CIBAR2: variants seen among roughly 807,000 people sequenced by gnomAD.
The protein encoded by CIBAR2 is CBY1 interacting BAR domain containing 2.
Under a neutral mutation model 36.2 loss-of-function variants are expected in CIBAR2, and 38 were observed. The ratio of observed to expected loss-of-function variants is 1.05; its 90% CI spans 0.81 to 1.38. The LOEUF is 1.38. CIBAR2 is among the 40% of genes most tolerant of loss of function. CIBAR2 has a pLI of 0.00. For missense variants in CIBAR2, 481 were observed against 383.4 expected (o/e 1.25, Z -2.13); for synonymous variants, 182 against 149.5 (o/e 1.22, Z -1.58).
rs750867406 is a variant in CIBAR2, at chr16:85,105,459, A to G, written c.433-28T>C. 7 of 1,551,290 alleles carry G rather than the reference A, an allele frequency of 4.5e-6. No homozygotes were observed. The East Asian group carries it at 1.1e-4, about 25-fold the overall frequency. ...GGCCCCAGGGACACAAGACGTAGAA[A>G]GTGTCATGGGGGTGCTTCTGGCCCT... On this transcript the variant is annotated intron_variant, in intron 5 of 8. Coordinates refer to ENST00000539556, the MANE Select transcript of CIBAR2 (RefSeq NM_198491.3).
At chr16:85,109,616 C>G (rs1049985009) in intron 2 of CIBAR2, among the ~76,000 whole-genome samples, 9 of 152,320 alleles carry the variant, frequency 5.9e-5, no homozygotes, top group African/African-American at 1.9e-4. Flanking sequence ...ACCTTCCAGA[C>G]TCAAATGATC....
Position 85,099,208 on chromosome 16 carries a change from TGA to T in CIBAR2, c.890_891del (p.Leu297HisfsTer11). ...CGTTAGAGAGAATGTCCTGGAAGCA[TGA>T]GATGCCCACCCTGCCCACACACACA... ...AHCVCGQGGH[L>X]MLPGHSL On this transcript the variant is annotated frameshift_variant, in exon 9 of 9. Coordinates refer to ENST00000539556, the MANE Select transcript of CIBAR2 (RefSeq NM_198491.3). LOFTEE classifies it high-confidence loss of function. 6.3e-7 allele frequency: 1 copy of T among 1,597,546 alleles called. No homozygotes were observed. Among genetic ancestry groups the T allele is most frequent in the Non-Finnish European group, 8.5e-7 (1 of 1,172,830 alleles).
chr16:85,111,155 G>C (rs917942941), intron 1 of CIBAR2, among the ~76,000 whole-genome samples: 1 of 152,108 alleles, frequency 6.6e-6, no homozygotes, highest in Non-Finnish European at 1.5e-5. Flanking sequence ...TCCCCAGCGT[G>C]TAACTGTCCC....
intron 2 of CIBAR2, among the ~76,000 whole-genome samples, chr16:85,109,230 G>A: frequency 6.6e-6 from 1 of 152,138 alleles, no homozygotes. Flanking sequence ...GGGCCACATG[G>A]CGAAACCCCA....
intron 8 of CIBAR2, 140 bp downstream of exon 8, chr16:85,099,999 C>T (rs2073942473): frequency 3.0e-6 from 2 of 667,218 alleles, no homozygotes; most frequent in South Asian, 2.0e-5. Flanking sequence ...TCCATGCTCC[C>T]ACCACCCCTG....
intron 6 of CIBAR2, 101 bp downstream of exon 6, chr16:85,105,226 A>G (rs1172942153): frequency 8.4e-6 from 6 of 717,792 alleles, no homozygotes; most frequent in Non-Finnish European, 1.5e-5. Flanking sequence ...AGACCCATAC[A>G]CACTCATGCT....
intron 8 of CIBAR2, 151 bp from the exon 9 acceptor site, chr16:85,099,497 C>T: frequency 1.6e-6 from 1 of 611,336 alleles, no homozygotes; most frequent in Non-Finnish European, 2.9e-6. Context: ...GTGGACCTGA[C>T]TGGGGGCCTC....
chr16:85,107,888 C>T lies in CIBAR2; in HGVS notation c.384G>A (p.Leu128=), dbSNP rs139476885. ...QNHEIKQLEK[L]EKLRQKSPSD... is the part of the protein sequence containing the mutation. ...AGGGTGACTTCTGCCTCAGTTTCTC[C>T]AGTTTTTCCAGTTGTTTGATCTCAT... The change falls in exon 4 of 9, where the codon CTG becomes CTA. Residue 128 remains leucine, a synonymous_variant. Coordinates refer to ENST00000539556, the MANE Select transcript of CIBAR2 (RefSeq NM_198491.3). The T allele has an allele frequency of 5.8e-4, 931 of 1,614,160 alleles. No individual in the cohort carries two copies. The highest frequency in any genetic ancestry group is 6.1e-4 in the Non-Finnish European group (725 of 1,179,978).
rs140072615 is a variant in CIBAR2, at chr16:85,108,064, C to T, written c.291G>A (p.Leu97=). Residue 97 remains leucine, a synonymous_variant, in exon 3 of 9, where the codon CTG becomes CTA. Transcript: ENST00000539556. The part of the protein sequence containing the change: ...ERLETKVVNP[L]KLYGAQIKQT... Reference sequence around the variant, plus strand: ...GCTTGATCTGTGCCCCGTAGAGCTTCAGGGGGTTGACCACCTTGGTCTCCA... The same window carrying T: ...GCTTGATCTGTGCCCCGTAGAGCTTTAGGGGGTTGACCACCTTGGTCTCCA... 7 of 1,613,148 alleles carry T rather than the reference C, an allele frequency of 4.3e-6. No homozygotes were observed. The highest frequency in any genetic ancestry group is 5.9e-6 in the Non-Finnish European group (7 of 1,179,510).
In CIBAR2 at chr16:85,105,397, G is replaced by A. The variant is rs1244188173; in HGVS notation, c.467C>T (p.Ser156Phe). 4 of 1,613,708 alleles carry A rather than the reference G, an allele frequency of 2.5e-6. No homozygotes were observed. The highest frequency in any genetic ancestry group is 2.5e-6 in the Non-Finnish European group (3 of 1,179,976). Residue 156 changes from serine (S) to phenylalanine (F), a missense_variant, in exon 6 of 9, where the codon TCC (serine) becomes TTC (phenylalanine). Ser to Phe is a radical substitution (Grantham distance 155). Transcript: ENST00000539556. ...CTCCAGCTGGAGGGTGGTGCGGCTG[G>A]AGTCCACAGCGGCCCTCTGCACTCT... is the stretch of plus-strand genomic sequence containing the variant. ...ETRVQRAAVDSSRTTLQLEET... is the reference protein window; with the variant it reads ...ETRVQRAAVDFSRTTLQLEET...
intron 2 of CIBAR2, among the ~76,000 whole-genome samples, chr16:85,108,930 G>A (rs983226613): frequency 6.6e-6 from 1 of 152,000 alleles, no homozygotes; most frequent in African/African-American, 2.4e-5. Context: ...TTACAATCGG[G>A]AATGTCTTTG....
At chr16:85,107,069 C>G (rs2074001548) in intron 5 of CIBAR2, among the ~76,000 whole-genome samples, 1 of 152,064 alleles carries the variant, frequency 6.6e-6, no homozygotes, top group Non-Finnish European at 1.5e-5. Flanking sequence ...TCGCTTGAAC[C>G]CTGGAGGCGG....
rs2074050977 is a variant in CIBAR2 at position 85,112,465 on chromosome 16, C to T, written c.-113G>A. On this transcript the variant is annotated 5_prime_UTR_variant, in exon 1 of 9. Coordinates refer to ENST00000539556, the MANE Select transcript of CIBAR2 (RefSeq NM_198491.3). ...TGGGTGCAGCTGTGTGGCCTGGGCT[C>T]AAGGGACGCTGCCACCCGGTTGCTA... is the stretch of plus-strand genomic sequence containing the variant. The T allele has an allele frequency of 2.7e-6, 3 of 1,102,320 alleles. No individual in the cohort carries two copies. In the South Asian group the frequency reaches 3.8e-5, roughly 14 times the overall value. The allele number at this position is 1,102,320 out of a possible 1,614,324, so 68.3% of individuals were successfully genotyped here.
chr16:85,099,373 G>C (rs1428263959), intron 8 of CIBAR2, 27 bp from the exon 9 acceptor site: 25 of 1,273,084 alleles, frequency 2.0e-5, no homozygotes, highest in Non-Finnish European at 2.5e-5. Context: ...GCACCTGATG[G>C]CAGGCCTTCC....
chr16:85,105,271 T>TGCAC, intron 6 of CIBAR2, 56 bp downstream of exon 6: 1 of 1,028,724 alleles, frequency 9.7e-7, no homozygotes, highest in South Asian at 1.3e-5. Flanking sequence ...CACACGTGCA[T>TGCAC]GCACACACAC....
At position 85,098,956 on chromosome 16, in the gene CIBAR2, C is replaced by A. The variant is rs1024115712; in HGVS notation, c.*229G>T. 8.5e-6 allele frequency: 4 copies of A among 472,044 alleles called. No individual in the cohort carries two copies. The highest frequency in any genetic ancestry group is 4.2e-5 in the South Asian group (1 of 23,734). The allele number at this position is 472,044 out of a possible 1,614,324, so 29.2% of individuals were successfully genotyped here. A position where few individuals can be genotyped will look rare whatever the true frequency, so the allele number is the denominator to read the frequency against. ...AATAGATAGCATAAAGAAAAACAAT[C>A]AAAACTTCAGGAAACATTGGATACA... On this transcript the variant is annotated 3_prime_UTR_variant, in exon 9 of 9. Coordinates refer to ENST00000539556, the MANE Select transcript of CIBAR2 (RefSeq NM_198491.3).
At position 85,098,439 on chromosome 16, in the gene CIBAR2, A is replaced by T. The variant is rs960112930; in HGVS notation, c.*746T>A. The T allele has an allele frequency of 1.4e-6, 1 of 718,964 alleles. No individual in the cohort carries two copies. The allele number at this position is 718,964 out of a possible 1,614,324, so 44.5% of individuals were successfully genotyped here. A position where few individuals can be genotyped will look rare whatever the true frequency, so the allele number is the denominator to read the frequency against. ...CAGAGCAACCTGTGAAGTGAGTGATATTGGCCCTGTTGTACAGATGAGGAA... is the reference window on the plus strand; with the variant it reads ...CAGAGCAACCTGTGAAGTGAGTGATTTTGGCCCTGTTGTACAGATGAGGAA... On this transcript the variant is annotated 3_prime_UTR_variant, in exon 9 of 9. Coordinates refer to ENST00000539556, the MANE Select transcript of CIBAR2 (RefSeq NM_198491.3).
intron 7 of CIBAR2, 95 bp from the exon 8 acceptor site, chr16:85,100,335 C>G (rs3764279): frequency 9.8e-6 from 7 of 714,398 alleles, no homozygotes; most frequent in East Asian, 2.8e-5. Flanking sequence ...CGAGAAGGCC[C>G]GAGACAGCTA....
At chr16:85,100,351 C>T in intron 7 of CIBAR2, 111 bp from the exon 8 acceptor site, 2 of 645,106 alleles carry the variant, frequency 3.1e-6, no homozygotes, top group South Asian at 3.8e-5. Flanking sequence ...AGCTAATGCT[C>T]ATGGAACTCC....
Sources: gnomAD v4.1 joint callset for allele counts (sites outside exome capture counted in the v4.1 genomes callset) on GRCh38, gnomAD v4.1.1 for gene constraint, MANE v1.5 for transcripts, NCBI Gene and HGNC (gene_info 2026-07-23, HGNC 2026-07-21) for gene names.